RAG1: variants seen among roughly 807,000 people sequenced by gnomAD.
The protein encoded by RAG1 is V(D)J recombination-activating protein 1.
RAG1 carries 35 observed loss-of-function variants against 62.7 expected under a neutral mutation model. That is an observed-to-expected ratio of 0.56 (90% CI 0.43 to 0.74). The LOEUF (loss-of-function observed/expected upper bound fraction) is 0.74, where lower values mean the gene tolerates loss of function less well. Ranked by LOEUF, RAG1 falls within the 30% of genes least tolerant of loss-of-function variation. The probability of loss-of-function intolerance (pLI) is 0.00; values close to 1 mark genes in which losing one functional copy is unlikely to be tolerated. For synonymous variants in RAG1, 461 were observed against 470.3 expected (o/e 0.98, Z 0.26); for missense variants, 1,169 against 1,278.6 (o/e 0.91, Z 1.31).
At chr11:36,546,954 G>A (rs1369854237) in intron 3 of RAG1, among the ~76,000 whole-genome samples, 1 of 151,924 alleles carries the variant, frequency 6.6e-6, no homozygotes, top group Non-Finnish European at 1.5e-5. Flanking sequence ...TCCCTTTTGT[G>A]GGTAATCCGA....
intron 1 of RAG1, among the ~76,000 whole-genome samples, chr11:36,569,054 G>C (rs961363938): frequency 5.3e-5 from 8 of 152,182 alleles, no homozygotes; most frequent in African/African-American, 1.9e-4. Flanking sequence ...AGTTGAAGAT[G>C]TTAGGAGGGA....
At position 36,574,771 on chromosome 11, in the gene RAG1, G is replaced by C. The variant is rs1270133689; in HGVS notation, c.1467G>C (p.Arg489Ser). The C allele has an allele frequency of 1.2e-6, 2 of 1,614,228 alleles. No individual in the cohort carries two copies. Among genetic ancestry groups the C allele is most frequent in the Non-Finnish European group, 1.7e-6 (2 of 1,180,048 alleles). The part of the protein sequence containing the change: ...LSCSQYHKMY[R>S]TVKAITGRQI... ...GCAGTCAGTACCACAAGATGTACAG[G>C]ACTGTGAAAGCCATCACAGGGAGAC... The change falls in exon 2 of 2, where the codon AGG becomes AGC. Residue 489 changes from arginine (R) to serine (S), a missense_variant. Arg to Ser is a moderately radical substitution (Grantham distance 110). Around this residue, in one of 2 missense-constraint regions of RAG1, gnomAD observed 800 missense variants for 943.3 expected, o/e 0.85. Coordinates refer to ENST00000299440, the MANE Select transcript of RAG1 (RefSeq NM_000448.3).
chr11:36,573,790 TGTGAA>T lies in RAG1; in HGVS notation c.488_492del (p.Val163GlyfsTer4), dbSNP rs753347872. 2 of 1,614,122 alleles carry T rather than the reference TGTGAA, an allele frequency of 1.2e-6. No individual in the cohort carries two copies. Among genetic ancestry groups the T allele is most frequent in the South Asian group, 2.2e-5 (2 of 91,084 alleles). ...TCATTGCCAAGGTTTTCCGGATCGA[TGTGAA>T]GGCAGATGTTGACTCGATCCACCCC... is the stretch of plus-strand genomic sequence containing the variant. On this transcript the variant is annotated frameshift_variant, in exon 2 of 2. Transcript: ENST00000299440. LOFTEE classifies it high-confidence loss of function.
intron 3 of RAG1, among the ~76,000 whole-genome samples, chr11:36,560,055 T>C (rs1238492665): frequency 6.6e-6 from 1 of 152,224 alleles, no homozygotes; most frequent in Admixed American, 6.5e-5. Context: ...TAGTGTCGAT[T>C]GGGTAAAGTG....
intron 1 of RAG1, among the ~76,000 whole-genome samples, chr11:36,513,942 C>G (rs1439955822): frequency 6.6e-6 from 1 of 152,170 alleles, no homozygotes; most frequent in African/African-American, 2.4e-5. Context: ...GGGACAGAGC[C>G]AAACCATATC....
At chr11:36,545,398 G>C (rs1850378078) in intron 3 of RAG1, among the ~76,000 whole-genome samples, 1 of 152,134 alleles carries the variant, frequency 6.6e-6, no homozygotes, top group South Asian at 2.1e-4. Context: ...AGAAGAGAAA[G>C]AGACACCAAG....
Position 36,575,106 on chromosome 11 carries a change from C to T in RAG1, c.1802C>T (p.Ser601Phe). 1 of 1,614,098 alleles carries T rather than the reference C, an allele frequency of 6.2e-7. No individual in the cohort carries two copies. Among genetic ancestry groups the T allele is most frequent in the Non-Finnish European group, 8.5e-7 (1 of 1,180,028 alleles). Residue 601 changes from serine (S) to phenylalanine (F), a missense_variant, in exon 2 of 2, where the codon TCT becomes TTT. This residue lies in a region of RAG1 where 800 missense variants were observed against 943.3 expected (regional missense o/e 0.85). Coordinates refer to ENST00000299440, the MANE Select transcript of RAG1 (RefSeq NM_000448.3). The surrounding 1 kb of genome is among the most constrained non-coding windows in gnomAD (Gnocchi z 4.1). ...CCCTTCACTGTGGTGGTGAAGGAGT[C>T]TTGTGATGGAATGGGAGACGTGAGT... ...NGPFTVVVKE[S>F]CDGMGDVSEK...
At chr11:36,537,050 G>T (rs543733564), downstream of RAG1, among the ~76,000 whole-genome samples, 3 of 151,728 alleles carry the variant, frequency 2.0e-5, no homozygotes, top group African/African-American at 7.3e-5. Context: ...GAGCCACCGT[G>T]CCCGGCCAAT....
At chr11:36,569,329 C>T (rs1274531392) in intron 1 of RAG1, among the ~76,000 whole-genome samples, 1 of 152,210 alleles carries the variant, frequency 6.6e-6, no homozygotes, top group Non-Finnish European at 1.5e-5. Flanking sequence ...CAGGGCTGAG[C>T]CAGCACCAAC....
At chr11:36,513,187 G>C (rs1048601253) in intron 1 of RAG1, among the ~76,000 whole-genome samples, 3 of 152,164 alleles carry the variant, frequency 2.0e-5, no homozygotes, top group African/African-American at 7.2e-5. Context: ...GCTCTTGCAA[G>C]ATACCAGCCC....
At chr11:36,515,948 C>G (rs1859989350) in intron 1 of RAG1, among the ~76,000 whole-genome samples, 1 of 152,198 alleles carries the variant, frequency 6.6e-6, no homozygotes, top group Admixed American at 6.5e-5. Context: ...TTCCCCAAAT[C>G]CAATAAAAAA....
intron 3 of RAG1, among the ~76,000 whole-genome samples, chr11:36,549,026 G>C (rs1369606985): frequency 3.9e-5 from 6 of 152,152 alleles, no homozygotes; most frequent in Non-Finnish European, 8.8e-5. Flanking sequence ...ATGGGGAAAG[G>C]ATTCCCTATT....
chr11:36,573,228 T>C, intron 1 of RAG1, 63 bp from the exon 2 acceptor site: 1 of 1,463,566 alleles, frequency 6.8e-7, no homozygotes, highest in South Asian at 1.2e-5. Context: ...TTTTATTATT[T>C]ATAAGATACA....
intron 1 of RAG1, among the ~76,000 whole-genome samples, chr11:36,569,021 A>T (rs982893944): frequency 6.6e-6 from 1 of 152,226 alleles, no homozygotes; most frequent in African/African-American, 2.4e-5. Context: ...CACAGTTATT[A>T]CTTGGAAATT....
chr11:36,564,827 C>T (rs561709261), upstream of RAG1, among the ~76,000 whole-genome samples: 7 of 152,292 alleles, frequency 4.6e-5, no homozygotes, highest in East Asian at 3.9e-4. Context: ...GATCTAGCGA[C>T]GACCTGTTAA....
At chr11:36,547,540 T>A (rs1452704376) in intron 3 of RAG1, among the ~76,000 whole-genome samples, 1 of 152,132 alleles carries the variant, frequency 6.6e-6, no homozygotes, top group Non-Finnish European at 1.5e-5. Context: ...ATGGATAAAT[T>A]CATGGACACA....
intron 1 of RAG1, among the ~76,000 whole-genome samples, chr11:36,568,392 G>C (rs1048306655): frequency 2.0e-5 from 3 of 152,200 alleles, no homozygotes; most frequent in Non-Finnish European, 4.4e-5. Context: ...CTTCTTGAAT[G>C]AATGTGTACA....
chr11:36,534,341 A>G (rs1169978681), intron 2 of RAG1, among the ~76,000 whole-genome samples: 5 of 152,216 alleles, frequency 3.3e-5, no homozygotes, highest in Non-Finnish European at 7.3e-5. Context: ...GCAACAAGAA[A>G]CAAACAAAGC....
At chr11:36,544,252 C>T (rs1445893228) in intron 3 of RAG1, among the ~76,000 whole-genome samples, 1 of 152,134 alleles carries the variant, frequency 6.6e-6, no homozygotes, top group Non-Finnish European at 1.5e-5. Context: ...ACCCCAAATA[C>T]AATCCTAAGT....
Sources: allele counts gnomAD v4.1 joint callset (sites outside exome capture counted in the v4.1 genomes callset), GRCh38; gene constraint gnomAD v4.1.1; regional missense constraint gnomAD v4.1.1; non-coding constraint Gnocchi (gnomAD v3.1); transcripts MANE v1.5; gene names NCBI Gene and HGNC (gene_info 2026-07-23, HGNC 2026-07-21).